The following PIP5K1B variants were observed in gnomAD, a reference collection of about 807,000 sequenced individuals.
The protein encoded by PIP5K1B is phosphatidylinositol 4-phosphate 5-kinase type-1 beta.
In PIP5K1B, 42 loss-of-function variants were observed where a neutral mutation model predicts 67.0. The observed-to-expected ratio is 0.63, with a 90% confidence interval of 0.49 to 0.81. The LOEUF is 0.81. PIP5K1B is among the 30% of genes least tolerant of loss of function. The pLI is 0.00. For synonymous variants in PIP5K1B, 214 were observed against 231.4 expected, an observed-to-expected ratio of 0.92 and a Z score of 0.68; for missense variants, 459 against 646.3, an observed-to-expected ratio of 0.71 and a Z score of 3.14.
chr9:68,790,121 A>G (rs1309436186), intron 2 of PIP5K1B, among the ~76,000 whole-genome samples: 11 of 152,154 alleles, frequency 7.2e-5, no homozygotes, highest in Admixed American at 7.2e-4. Context: ...CATTTTTTTA[A>G]AGGAAAAATG....
At chr9:68,924,488 G>A (rs1424554819) in intron 12 of PIP5K1B, among the ~76,000 whole-genome samples, 1 of 148,544 alleles carries the variant, frequency 6.7e-6, no homozygotes, top group African/African-American at 2.5e-5. Flanking sequence ...AGAAACAGAA[G>A]AGCAAACTAA....
At chr9:68,713,111 A>G (rs968291588) in intron 1 of PIP5K1B, among the ~76,000 whole-genome samples, 9 of 152,378 alleles carry the variant, frequency 5.9e-5, no homozygotes, top group Non-Finnish European at 7.3e-5. Flanking sequence ...TTAGAAATGC[A>G]GATGAGGCCA....
chr9:68,967,093 TTG>T (rs1172136841), intron 14 of PIP5K1B, among the ~76,000 whole-genome samples: 2 of 152,204 alleles, frequency 1.3e-5, no homozygotes, highest in Non-Finnish European at 2.9e-5. Flanking sequence ...TTTCCAGAAT[TTG>T]GGGTTGGGTA....
At chr9:68,951,216 T>C (rs12350205) in intron 14 of PIP5K1B, among the ~76,000 whole-genome samples, 10,993 of 152,218 alleles carry the variant, frequency 0.072, 862 homozygotes, top group African/African-American at 0.2. Context: ...TAAAAATTAG[T>C]GTGTGGAAGG....
intron 14 of PIP5K1B, among the ~76,000 whole-genome samples, chr9:68,981,859 C>G (rs536170337): frequency 1.8e-4 from 28 of 151,526 alleles, no homozygotes; most frequent in African/African-American, 4.4e-4. Flanking sequence ...TTAACGTTTT[C>G]TCCTAGAGAG....
At position 68,795,941 on chromosome 9, in the gene PIP5K1B, A is replaced by G. The variant is rs569071412; in HGVS notation, c.-85-22520A>G. Among the ~76,000 whole-genome samples the G allele has an allele frequency of 2.0e-5, 3 of 152,360 alleles. No individual in the cohort carries two copies. In the East Asian group the frequency reaches 5.8e-4, roughly 29 times the overall value. On this transcript the variant is annotated intron_variant, in intron 2 of 15. Transcript: ENST00000265382. ...ATCATGTGAAAAAAAGATTAGAATAACAAAATATACTGAAACAGGCAAATT... is the reference window on the plus strand; with the variant it reads ...ATCATGTGAAAAAAAGATTAGAATAGCAAAATATACTGAAACAGGCAAATT...
chr9:68,842,450 G>A (rs1040706824), intron 4 of PIP5K1B, among the ~76,000 whole-genome samples: 18 of 152,192 alleles, frequency 1.2e-4, no homozygotes, highest in African/African-American at 3.4e-4. Flanking sequence ...TAAAACTGTG[G>A]AGTATTAAAG....
chr9:68,809,211 G>GT (rs1009736036), intron 2 of PIP5K1B, among the ~76,000 whole-genome samples: 12 of 151,722 alleles, frequency 7.9e-5, no homozygotes, highest in South Asian at 6.2e-4. Context: ...TCAGTTTGGT[G>GT]TTTTTTTTGT....
intron 2 of PIP5K1B, among the ~76,000 whole-genome samples, chr9:68,801,338 AT>A (rs1293726322): frequency 6.6e-6 from 1 of 151,974 alleles, no homozygotes; most frequent in Non-Finnish European, 1.5e-5. Flanking sequence ...TTCATATTGG[AT>A]TGCTAATAAT....
rs1554702127 is a variant in PIP5K1B at position 68,705,593 on chromosome 9, G to GCCCCGGCCCCGCCTGCCGC, written c.-399_-398insTGCCGCCCCCGGCCCCGCC. 1.4e-5 allele frequency: 2 copies of GCCCCGGCCCCGCCTGCCGC among 138,692 alleles called. No homozygotes were observed. The highest frequency in any genetic ancestry group is 3.2e-5 in the Non-Finnish European group (2 of 62,972). 8.6% of individuals were successfully genotyped at this position (138,692 alleles called of 1,614,324 possible). On this transcript the variant is annotated 5_prime_UTR_variant, in exon 1 of 16. Transcript: ENST00000265382. ...CTGCCCGCCCTCAGCGTTGCCCCCG[G>GCCCCGGCCCCGCCTGCCGC]CCCCGGCCCCGCCCGCCGCCCCCTC...
At chr9:68,740,696 ATATT>A (rs1251946068) in intron 1 of PIP5K1B, among the ~76,000 whole-genome samples, 1 of 152,196 alleles carries the variant, frequency 6.6e-6, no homozygotes, top group Non-Finnish European at 1.5e-5. Flanking sequence ...TCAAAGGCAA[ATATT>A]TATTTAGTGA....
intron 2 of PIP5K1B, chr9:68,780,163 A>T: frequency 6.6e-7 from 1 of 1,512,350 alleles, no homozygotes; most frequent in Non-Finnish European, 8.8e-7. Context: ...CCTGCCCCCG[A>T]CATGGCTCAG....
intron 1 of PIP5K1B, among the ~76,000 whole-genome samples, chr9:68,726,996 GCA>G (rs1828183685): frequency 1.3e-5 from 2 of 150,588 alleles, no homozygotes; most frequent in South Asian, 4.2e-4. Flanking sequence ...TTTTTTTTTA[GCA>G]CACATATTTT....
At chr9:68,940,526 T>C in intron 13 of PIP5K1B, 120 bp from the exon 14 acceptor site, 1 of 896,320 alleles carries the variant, frequency 1.1e-6, no homozygotes, top group South Asian at 2.0e-5. Context: ...AGTTAATTCA[T>C]AATTGAATTT....
At chr9:68,779,890 C>G (rs1831131717) in intron 2 of PIP5K1B, 1 of 431,052 alleles carries the variant, frequency 2.3e-6, no homozygotes, top group African/African-American at 2.0e-5. Flanking sequence ...TCAACGCGAG[C>G]TTGCGCTCAA....
chr9:68,734,797 GA>G (rs920194458), intron 1 of PIP5K1B, among the ~76,000 whole-genome samples: 22 of 152,278 alleles, frequency 1.4e-4, no homozygotes, highest in African/African-American at 5.1e-4. Context: ...GAGGTTAAAA[GA>G]AAAAGGAAAG....
At chr9:68,896,042 G>A (rs1825066074) in intron 8 of PIP5K1B, among the ~76,000 whole-genome samples, 1 of 152,116 alleles carries the variant, frequency 6.6e-6, no homozygotes, top group Non-Finnish European at 1.5e-5. Context: ...GGAAGGAGCA[G>A]TAGGAACCAA....
chr9:68,736,439 A>G (rs555000092), intron 1 of PIP5K1B, among the ~76,000 whole-genome samples: 43 of 152,120 alleles, frequency 2.8e-4, no homozygotes, highest in Admixed American at 1.4e-3. Context: ...CAGTGGCTGC[A>G]TAATAGTTTG....
chr9:69,005,028 G>T (rs987263391), intron 15 of PIP5K1B, among the ~76,000 whole-genome samples: 1 of 152,024 alleles, frequency 6.6e-6, no homozygotes, highest in African/African-American at 2.4e-5. Context: ...AGAGTTGGCA[G>T]TGCTCACCCA....
Sources: gnomAD v4.1 joint callset for allele counts (sites outside exome capture counted in the v4.1 genomes callset) on GRCh38, gnomAD v4.1.1 for gene constraint, MANE v1.5 for transcripts, NCBI Gene and HGNC (gene_info 2026-07-23, HGNC 2026-07-21) for gene names.